The following ATP10B variants were observed in gnomAD, a reference collection of about 807,000 sequenced individuals.
The protein encoded by ATP10B is phospholipid-transporting ATPase VB.
In ATP10B, 122 loss-of-function variants were observed where a neutral mutation model predicts 141.2. The observed-to-expected ratio is 0.86, with a 90% CI of 0.75 to 1.00. The LOEUF is 1.00. ATP10B is among the 50% of genes least tolerant of loss of function. The pLI, the probability that ATP10B is intolerant of heterozygous loss-of-function variation, is 0.00. For synonymous variants in ATP10B, 685 were observed against 692.0 expected, an observed-to-expected ratio of 0.99 and a Z score of 0.16; for missense variants, 1,876 against 1,825.3, an observed-to-expected ratio of 1.03 and a Z score of -0.51.
At chr5:160,892,292 G>C in the ATP10B span, among the ~76,000 whole-genome samples, 3 of 152,142 alleles carry the variant, frequency 2.0e-5, no homozygotes, top group Non-Finnish European at 4.4e-5. Flanking sequence ...ACCTGCTCCA[G>C]CCATGCTGAC....
At chr5:160,747,473 TG>T (rs1408793754) in intron 2 of ATP10B, among the ~76,000 whole-genome samples, 2 of 152,224 alleles carry the variant, frequency 1.3e-5, no homozygotes, top group Non-Finnish European at 2.9e-5. Flanking sequence ...CAAATTAAAA[TG>T]ATGTCTTACT....
chr5:160,577,525 T>G (rs999592592), intron 24 of ATP10B, among the ~76,000 whole-genome samples: 1 of 152,170 alleles, frequency 6.6e-6, no homozygotes, highest in Non-Finnish European at 1.5e-5. Flanking sequence ...GACAGATCAT[T>G]ATTGATTTTC....
chr5:160,842,680 T>C (rs1775879867), intron 1 of ATP10B, among the ~76,000 whole-genome samples: 1 of 151,932 alleles, frequency 6.6e-6, no homozygotes, highest in Non-Finnish European at 1.5e-5. Flanking sequence ...AATTTAAAAA[T>C]TTATTTAATA....
At chr5:160,849,685 G>C (rs898609944) in intron 1 of ATP10B, among the ~76,000 whole-genome samples, 1 of 151,072 alleles carries the variant, frequency 6.6e-6, no homozygotes, top group Non-Finnish European at 1.5e-5. Flanking sequence ...ACTTGCCAAG[G>C]TTACACAATT....
rs1382899315 is a variant in ATP10B, at chr5:160,716,916, C to A, written c.-212G>T. 6 of 985,248 alleles carry A rather than the reference C, an allele frequency of 6.1e-6. No individual in the cohort carries two copies. The highest frequency in any genetic ancestry group is 1.7e-5 in the African/African-American group (1 of 57,230). 61.0% of individuals were successfully genotyped at this position (985,248 alleles called of 1,614,324 possible). A position where few individuals can be genotyped will look rare whatever the true frequency, so the allele number is the denominator to read the frequency against. On this transcript the variant is annotated 5_prime_UTR_variant, in exon 3 of 26. Transcript: ENST00000327245. The stretch of plus-strand genomic sequence containing the variant: ...GCAACGCAAAAGATATACCTGTTAG[C>A]GGAGTCCCTTTAAGGAGGTTAGACC...
chr5:160,878,627 A>G, the ATP10B span, among the ~76,000 whole-genome samples: 1 of 152,140 alleles, frequency 6.6e-6, no homozygotes, highest in East Asian at 1.9e-4. Flanking sequence ...AATTTTCACA[A>G]CCTACTCATC....
intron 2 of ATP10B, among the ~76,000 whole-genome samples, chr5:160,720,522 G>A (rs955143026): frequency 6.6e-6 from 1 of 152,210 alleles, no homozygotes; most frequent in Non-Finnish European, 1.5e-5. Context: ...TTTCTTATGA[G>A]TCAGTATGCC....
At chr5:160,747,513 T>C (rs142019232) in intron 2 of ATP10B, among the ~76,000 whole-genome samples, 71 of 152,286 alleles carry the variant, frequency 4.7e-4, no homozygotes, top group African/African-American at 1.5e-3. Flanking sequence ...TCTAAAATAA[T>C]ATGTCCTTAT....
Position 160,844,630 on chromosome 5 carries a change from C to A in ATP10B, c.-576+7311G>T, listed in dbSNP as rs1042388645. Among the ~76,000 whole-genome samples the A allele has an allele frequency of 6.0e-5, 9 of 151,190 alleles. No individual in the cohort carries two copies. In the East Asian group the frequency reaches 1.7e-3, roughly 29 times the overall value. On this transcript the variant is annotated intron_variant, in intron 1 of 25. Transcript: ENST00000327245. ...GCTCCATATGGGCTCACTGTAATGT[C>A]CACCTCCCGGGTTCAAGTGATTCTC...
At chr5:160,910,480 G>C in the ATP10B span, among the ~76,000 whole-genome samples, 17 of 152,260 alleles carry the variant, frequency 1.1e-4, no homozygotes, top group African/African-American at 3.6e-4. Context: ...CCCGTAGTAT[G>C]TGCTCAGTAA....
rs754545986 is a variant in ATP10B, at chr5:160,606,755, T to A, written c.3160+10A>T. The A allele has an allele frequency of 5.0e-6, 8 of 1,607,952 alleles. No homozygotes were observed. The highest frequency in any genetic ancestry group is 1.7e-5 in the Admixed American group (1 of 59,834). ...CCAAAGTGCCACCCGCATCTCAGTA[T>A]GATGGGTACCTATGGAAAGGGTCAT... On this transcript the variant is annotated intron_variant, in intron 19 of 25. Coordinates refer to ENST00000327245, the MANE Select transcript of ATP10B (RefSeq NM_025153.3).
intron 24 of ATP10B, among the ~76,000 whole-genome samples, chr5:160,570,028 T>TC (rs1754780648): frequency 6.6e-6 from 1 of 152,148 alleles, no homozygotes; most frequent in Admixed American, 6.5e-5. Context: ...TTGTTTTTTT[T>TC]CCCTCAATAT....
intron 24 of ATP10B, among the ~76,000 whole-genome samples, chr5:160,585,045 T>C (rs1755799969): frequency 6.6e-6 from 1 of 152,246 alleles, no homozygotes; most frequent in African/African-American, 2.4e-5. Context: ...AGATTTTTGA[T>C]AAATTTTCAT....
chr5:160,894,640 A>G, the ATP10B span, among the ~76,000 whole-genome samples: 2 of 152,174 alleles, frequency 1.3e-5, no homozygotes, highest in Non-Finnish European at 1.5e-5. Flanking sequence ...TCAGGATATT[A>G]CCAGAAGAAC....
At chr5:160,766,065 G>A (rs868548597) in intron 2 of ATP10B, among the ~76,000 whole-genome samples, 41 of 152,230 alleles carry the variant, frequency 2.7e-4, no homozygotes, top group South Asian at 1.7e-3. Context: ...AGATGTTGGC[G>A]TGGATGTGGT....
intron 3 of ATP10B, among the ~76,000 whole-genome samples, chr5:160,695,599 T>C (rs767832315): frequency 1.3e-5 from 2 of 152,106 alleles, no homozygotes; most frequent in Non-Finnish European, 2.9e-5. Flanking sequence ...ACAGTAAACA[T>C]GTTGACTTCA....
chr5:160,618,008 T>C (rs1758123622), intron 15 of ATP10B, 35 bp from the exon 16 acceptor site: 1 of 1,522,304 alleles, frequency 6.6e-7, no homozygotes, highest in Non-Finnish European at 9.1e-7. Flanking sequence ...TGAGGCCACA[T>C]ACAAATGCTC....
chr5:160,926,502 G>A, the ATP10B span, among the ~76,000 whole-genome samples: 1 of 152,198 alleles, frequency 6.6e-6, no homozygotes, highest in Middle Eastern at 3.2e-3. Flanking sequence ...CTTAAAAACA[G>A]GATCACAGGA....
chr5:160,819,456 C>T (rs1581595654), intron 1 of ATP10B, among the ~76,000 whole-genome samples: 1 of 152,086 alleles, frequency 6.6e-6, no homozygotes. Context: ...AAGAAAATGA[C>T]ATTAATGAAC....
Sources: allele counts gnomAD v4.1 joint callset (sites outside exome capture counted in the v4.1 genomes callset), GRCh38; gene constraint gnomAD v4.1.1; transcripts MANE v1.5; gene names NCBI Gene and HGNC (gene_info 2026-07-23, HGNC 2026-07-21).